ASIC2: variants seen among roughly 807,000 people sequenced by gnomAD.
The protein encoded by ASIC2 is acid sensing ion channel subunit 2, also known as acid-sensing ion channel 2.
In ASIC2, 25 loss-of-function variants were observed where a neutral mutation model predicts 57.3. That is an observed-to-expected ratio of 0.44 (90% CI 0.32 to 0.61). The LOEUF (loss-of-function observed/expected upper bound fraction) is 0.61. Among genes scored for constraint, ASIC2 ranks in the 20% least tolerant of loss-of-function variants. The probability of loss-of-function intolerance (pLI) is 0.06; values close to 1 mark genes in which losing one functional copy is unlikely to be tolerated. For missense variants in ASIC2, 641 were observed against 738.1 expected, an observed-to-expected ratio of 0.87 and a Z score of 1.52; for synonymous variants, 319 against 307.5, an observed-to-expected ratio of 1.04 and a Z score of -0.39.
chr17:33,798,551 A>G (rs1911989076), intron 1 of ASIC2, among the ~76,000 whole-genome samples: 1 of 152,222 alleles, frequency 6.6e-6, no homozygotes, highest in Non-Finnish European at 1.5e-5. Flanking sequence ...TGTGGAGCGC[A>G]GCAGCTCTCA....
intron 1 of ASIC2, among the ~76,000 whole-genome samples, chr17:33,176,028 A>G (rs1905741289): frequency 6.6e-6 from 1 of 152,088 alleles, no homozygotes; most frequent in South Asian, 2.1e-4. Flanking sequence ...AAGATGCCAT[A>G]TTCTTATCCC....
chr17:33,596,838 T>C (rs1309906041), intron 1 of ASIC2, among the ~76,000 whole-genome samples: 1 of 152,076 alleles, frequency 6.6e-6, no homozygotes. Flanking sequence ...TGTACAAGAG[T>C]CCTGGGCAGG....
chr17:33,958,690 G>T lies in ASIC2; in HGVS notation c.555+197288C>A, dbSNP rs180752094. ...TTTTTCCTCCTAGACCTCCCAGCCT[G>T]TGATGGGAGTGGCTGCCACAAACGT... On this transcript the variant is annotated intron_variant, in intron 1 of 9. Transcript: ENST00000359872. Among the ~76,000 whole-genome samples, 1,132 of 152,234 alleles carry T rather than the reference G, an allele frequency of 7.4e-3. 8 individuals carry two copies. Among genetic ancestry groups the T allele is most frequent in the Middle Eastern group, 0.024 (7 of 294 alleles).
At chr17:33,669,849 G>A (rs1907590214) in intron 1 of ASIC2, among the ~76,000 whole-genome samples, 1 of 152,122 alleles carries the variant, frequency 6.6e-6, no homozygotes, top group Admixed American at 6.6e-5. Flanking sequence ...TTTAGACAAA[G>A]CAGAATTATC....
At chr17:33,762,005 G>A (rs1910798814) in intron 1 of ASIC2, among the ~76,000 whole-genome samples, 1 of 152,090 alleles carries the variant, frequency 6.6e-6, no homozygotes, top group African/African-American at 2.4e-5. Flanking sequence ...TGAAGGCATG[G>A]AAAAACTGGT....
At chr17:33,239,661 T>A (rs929172610) in intron 1 of ASIC2, among the ~76,000 whole-genome samples, 24 of 152,226 alleles carry the variant, frequency 1.6e-4, no homozygotes, top group Admixed American at 1.3e-3. Context: ...TGAGTGTTAT[T>A]AGCCTTCCCA....
At chr17:33,137,367 C>T (rs2092370873) in intron 1 of ASIC2, among the ~76,000 whole-genome samples, 1 of 152,204 alleles carries the variant, frequency 6.6e-6, no homozygotes, top group South Asian at 2.1e-4. Flanking sequence ...CCACTTCTGT[C>T]TGAGATTGGA....
chr17:33,465,548 A>ATT (rs1912836471), intron 1 of ASIC2, among the ~76,000 whole-genome samples: 1 of 151,638 alleles, frequency 6.6e-6, no homozygotes, highest in Non-Finnish European at 1.5e-5. Flanking sequence ...TGAATTTTGT[A>ATT]TTTTTAGTAG....
At chr17:34,090,702 T>C (rs9897848) in intron 1 of ASIC2, among the ~76,000 whole-genome samples, 27,164 of 152,176 alleles carry the variant, frequency 0.18, 3,058 homozygotes, top group African/African-American at 0.32. Context: ...CAACTTCCTA[T>C]AGACCCTCAG....
rs116680137 is a variant in ASIC2 at position 33,388,839 on chromosome 17, G to A, written c.556-276772C>T. ...CCAAGGCAGTGTGGCTGCACTCCCT[G>A]TGGTAACCCAGCAATCCAGGCTGCT... On this transcript the variant is annotated intron_variant, in intron 1 of 9. Coordinates refer to the ASIC2 transcript ENST00000359872. Among the ~76,000 whole-genome samples, 736 of 152,318 alleles carry A rather than the reference G, an allele frequency of 4.8e-3. 4 individuals are homozygous for A. The highest frequency in any genetic ancestry group is 0.017 in the African/African-American group (705 of 41,568).
chr17:33,458,253 G>C (rs370304114), intron 1 of ASIC2, among the ~76,000 whole-genome samples: 1 of 152,224 alleles, frequency 6.6e-6, no homozygotes, highest in Non-Finnish European at 1.5e-5. Context: ...GTCTTGCCAA[G>C]AGCTTTAGAG....
chr17:33,831,675 T>A (rs1185098535), intron 1 of ASIC2, among the ~76,000 whole-genome samples: 1 of 151,956 alleles, frequency 6.6e-6, no homozygotes, highest in Non-Finnish European at 1.5e-5. Flanking sequence ...TTTGTGCATA[T>A]GGGGCACTGA....
chr17:33,562,704 G>A (rs1916111667), intron 1 of ASIC2, among the ~76,000 whole-genome samples: 1 of 152,172 alleles, frequency 6.6e-6, no homozygotes, highest in Non-Finnish European at 1.5e-5. Flanking sequence ...TACAGGAATG[G>A]GACTCTAAGG....
At chr17:33,475,538 TG>T (rs1234255301) in intron 1 of ASIC2, among the ~76,000 whole-genome samples, 3 of 152,216 alleles carry the variant, frequency 2.0e-5, no homozygotes, top group Non-Finnish European at 4.4e-5. Context: ...TTGGCTTTGT[TG>T]GTTGGACATA....
chr17:33,177,284 C>T (rs1905799120), intron 1 of ASIC2, among the ~76,000 whole-genome samples: 1 of 151,542 alleles, frequency 6.6e-6, no homozygotes, highest in African/African-American at 2.4e-5. Context: ...GCTGATGGTC[C>T]TCCAGGAGCC....
At chr17:34,003,407 C>A (rs1460002580) in intron 1 of ASIC2, 1 of 152,152 alleles carries the variant, frequency 6.6e-6, no homozygotes, top group East Asian at 1.9e-4. Context: ...TGAGTCATCC[C>A]CCTTCACCTC....
chr17:33,770,756 C>T (rs1319808293), intron 1 of ASIC2, among the ~76,000 whole-genome samples: 1 of 152,158 alleles, frequency 6.6e-6, no homozygotes, highest in African/African-American at 2.4e-5. Flanking sequence ...TACTTTATAG[C>T]ATTAATGCTT....
chr17:33,951,135 A>C (rs865902914), intron 1 of ASIC2, among the ~76,000 whole-genome samples: 1 of 152,170 alleles, frequency 6.6e-6, no homozygotes, highest in African/African-American at 2.4e-5. Flanking sequence ...ATTTGGCAAG[A>C]TTATTATGAT....
chr17:33,334,151 C>A (rs1251035486), intron 1 of ASIC2, among the ~76,000 whole-genome samples: 1 of 152,180 alleles, frequency 6.6e-6, no homozygotes, highest in African/African-American at 2.4e-5. Flanking sequence ...AGTTTGAAAC[C>A]TTCAGGACTT....
Sources: allele counts gnomAD v4.1 joint callset (sites outside exome capture counted in the v4.1 genomes callset), GRCh38; gene constraint gnomAD v4.1.1; transcripts MANE v1.5; gene names NCBI Gene and HGNC (gene_info 2026-07-23, HGNC 2026-07-21).